DAB1: variants seen among roughly 807,000 people sequenced by gnomAD.
DAB1 encodes the protein DAB adaptor protein 1.
A neutral mutation model predicts 64.6 loss-of-function variants in DAB1; 15 were observed. That is an observed-to-expected ratio of 0.23 (90% CI 0.16 to 0.36). DAB1 has a LOEUF of 0.36. Among genes scored for constraint, DAB1 ranks in the 10% least tolerant of loss-of-function variants. The probability of loss-of-function intolerance (pLI) is 1.00; values close to 1 mark genes in which losing one functional copy is unlikely to be tolerated. For missense variants in DAB1, 596 were observed against 706.7 expected (o/e 0.84, Z 1.78); for synonymous variants, 235 against 251.9 (o/e 0.93, Z 0.64).
At chr1:58,051,347 C>A (rs911990865) in intron 5 of DAB1, among the ~76,000 whole-genome samples, 5 of 152,116 alleles carry the variant, frequency 3.3e-5, no homozygotes, top group African/African-American at 1.2e-4. Flanking sequence ...TGGTTTCCAG[C>A]TTCATCCATG....
chr1:57,808,892 T>C lies in DAB1; in HGVS notation n.551+75107A>G, dbSNP rs1370372557. 8.5e-5 allele frequency among the ~76,000 whole-genome samples: 13 copies of C among 152,270 alleles called. 1 individual carries two copies. The highest frequency in any genetic ancestry group is 6.5e-4 in the Admixed American group (10 of 15,294). On this transcript the variant is annotated intron_variant and non_coding_transcript_variant, in intron 6 of 20. Coordinates refer to the DAB1 transcript ENST00000485760. ...TGAACTCGGCTGCTTGTGAACTAGA[T>C]TGCAACTCTGTGTGAGCTTTAGGAG...
intron 3 of DAB1, among the ~76,000 whole-genome samples, chr1:58,346,361 C>T (rs1160316458): frequency 6.6e-6 from 1 of 152,110 alleles, no homozygotes; most frequent in Non-Finnish European, 1.5e-5. Flanking sequence ...TGATGTGTGC[C>T]GGTGCTCGTT....
chr1:57,228,383 A>G (rs1290393947), intron 2 of DAB1, among the ~76,000 whole-genome samples: 1 of 152,222 alleles, frequency 6.6e-6, no homozygotes, highest in Non-Finnish European at 1.5e-5. Context: ...AAAACACATC[A>G]GTAAGAAAAA....
chr1:57,373,048 G>T (rs1178138047), intron 1 of DAB1, among the ~76,000 whole-genome samples: 1 of 152,190 alleles, frequency 6.6e-6, no homozygotes, highest in African/African-American at 2.4e-5. Flanking sequence ...GCTGGGCATG[G>T]TGGCATGCAC....
At chr1:57,009,460 T>C (rs1646197653) in intron 14 of DAB1, among the ~76,000 whole-genome samples, 1 of 152,228 alleles carries the variant, frequency 6.6e-6, no homozygotes, top group Non-Finnish European at 1.5e-5. Flanking sequence ...AAAATACCTG[T>C]TAACAAAATA....
At chr1:57,840,730 A>G (rs1353663160) in intron 1 of DAB1, among the ~76,000 whole-genome samples, 1 of 152,134 alleles carries the variant, frequency 6.6e-6, no homozygotes, top group Non-Finnish European at 1.5e-5. Flanking sequence ...ATGAGAACTC[A>G]CTATCATGTG....
intron 4 of DAB1, among the ~76,000 whole-genome samples, chr1:58,333,141 C>G (rs1458401583): frequency 1.3e-5 from 2 of 152,112 alleles, no homozygotes; most frequent in Admixed American, 6.5e-5. Flanking sequence ...AACTCCAGAC[C>G]TGTTTATTTT....
rs1247754169 is a variant in DAB1 at position 56,995,372 on chromosome 1, G to T, written c.*2772C>A. 1.3e-5 allele frequency: 2 copies of T among 152,200 alleles called. No individual in the cohort carries two copies. Among genetic ancestry groups the T allele is most frequent in the African/African-American group, 4.8e-5 (2 of 41,452 alleles). The allele number at this position is 152,200 out of a possible 1,614,324, so 9.4% of individuals were successfully genotyped here. A position where few individuals can be genotyped will look rare whatever the true frequency, so the allele number is the denominator to read the frequency against. Reference sequence around the variant, plus strand: ...CTGTACTCCTGGGACAGGATACGGTGCTTCCAGGCTCACCAAACAGTGCTT... The same window carrying T: ...CTGTACTCCTGGGACAGGATACGGTTCTTCCAGGCTCACCAAACAGTGCTT... On this transcript the variant is annotated 3_prime_UTR_variant, in exon 15 of 15. Transcript: ENST00000371236.
chr1:57,764,671 A>T (rs1291305077), intron 6 of DAB1, among the ~76,000 whole-genome samples: 1 of 152,188 alleles, frequency 6.6e-6, no homozygotes, highest in Non-Finnish European at 1.5e-5. Flanking sequence ...TATGAGTGAG[A>T]ACATGAGGTA....
At chr1:58,262,413 C>A (rs944613612) in intron 4 of DAB1, among the ~76,000 whole-genome samples, 1 of 152,072 alleles carries the variant, frequency 6.6e-6, no homozygotes, top group Non-Finnish European at 1.5e-5. Context: ...GGTGAAACCC[C>A]ATCTCTACTA....
chr1:57,311,388 G>A (rs769015742), intron 1 of DAB1, among the ~76,000 whole-genome samples: 2 of 152,028 alleles, frequency 1.3e-5, no homozygotes, highest in Non-Finnish European at 2.9e-5. Context: ...CTGGGAAACT[G>A]AGGCAGCCAT....
At chr1:57,618,261 A>G (rs999175576) in intron 7 of DAB1, among the ~76,000 whole-genome samples, 10 of 152,250 alleles carry the variant, frequency 6.6e-5, no homozygotes, top group African/African-American at 2.4e-4. Flanking sequence ...CTAAAAATAC[A>G]AAAATTAGCT....
intron 7 of DAB1, among the ~76,000 whole-genome samples, chr1:57,612,454 G>C (rs763723320): frequency 3.4e-4 from 52 of 152,134 alleles, no homozygotes; most frequent in Non-Finnish European, 6.2e-4. Flanking sequence ...CTTATTAAAG[G>C]GAGATGCAGG....
chr1:57,023,444 C>A, intron 11 of DAB1, 87 bp downstream of exon 11: 1 of 767,832 alleles, frequency 1.3e-6, no homozygotes, highest in Admixed American at 2.1e-5. Context: ...AGTGTTTTAT[C>A]ATCATTCGGT....
At chr1:58,297,301 C>G (rs899876947) in intron 4 of DAB1, among the ~76,000 whole-genome samples, 17 of 152,126 alleles carry the variant, frequency 1.1e-4, no homozygotes, top group African/African-American at 4.1e-4. Context: ...TGACCTGTAA[C>G]TTGGTATTAC....
intron 7 of DAB1, among the ~76,000 whole-genome samples, chr1:57,499,746 GGCTGCAT>G (rs1225974205): frequency 1.3e-5 from 2 of 152,172 alleles, no homozygotes; most frequent in Non-Finnish European, 2.9e-5. Context: ...TATGATTACT[GGCTGCAT>G]GAAAGATATT....
intron 4 of DAB1, among the ~76,000 whole-genome samples, chr1:57,090,950 A>G (rs976408051): frequency 7.9e-5 from 12 of 152,082 alleles, no homozygotes; most frequent in African/African-American, 2.7e-4. Context: ...TACGTTGCAC[A>G]CTCCTTACGA....
chr1:57,937,740 C>T (rs1645047469), intron 5 of DAB1, among the ~76,000 whole-genome samples: 1 of 152,212 alleles, frequency 6.6e-6, no homozygotes, highest in South Asian at 2.1e-4. Context: ...GCTAGGTCAA[C>T]AGGCTGAAGG....
intron 3 of DAB1, among the ~76,000 whole-genome samples, chr1:58,440,071 G>GC (rs1644991318): frequency 6.6e-6 from 1 of 151,960 alleles, no homozygotes; most frequent in Admixed American, 6.5e-5. Flanking sequence ...TGGAACCCCC[G>GC]CAAGAGACCT....
Sources: allele counts gnomAD v4.1 joint callset (sites outside exome capture counted in the v4.1 genomes callset), GRCh38; gene constraint gnomAD v4.1.1; transcripts MANE v1.5; gene names NCBI Gene and HGNC (gene_info 2026-07-23, HGNC 2026-07-21).